The following STARD10 variants were observed in gnomAD, a reference collection of about 807,000 sequenced individuals.
STARD10 encodes the protein StAR related lipid transfer domain containing 10.
In STARD10, 24 loss-of-function variants were observed where a neutral mutation model predicts 36.0. The observed-to-expected ratio is 0.67, with a 90% CI of 0.48 to 0.94. The LOEUF (loss-of-function observed/expected upper bound fraction) is 0.94. Among genes scored for constraint, STARD10 ranks in the 40% least tolerant of loss-of-function variants. The pLI is 0.00. For synonymous variants in STARD10, 156 were observed against 161.9 expected, an observed-to-expected ratio of 0.96 and a Z score of 0.28; for missense variants, 335 against 396.6, an observed-to-expected ratio of 0.84 and a Z score of 1.32.
intron 3 of STARD10, among the ~76,000 whole-genome samples, chr11:72,759,008 G>T (rs528704370): frequency 4.7e-4 from 72 of 152,366 alleles, no homozygotes; most frequent in African/African-American, 1.6e-3. Context: ...GCCTATGTGT[G>T]TATGTATATA....
chr11:72,770,228 A>C (rs543505715), intron 2 of STARD10, among the ~76,000 whole-genome samples: 1 of 151,666 alleles, frequency 6.6e-6, no homozygotes, highest in Non-Finnish European at 1.5e-5. Context: ...TAAAAGAATT[A>C]TTTTTTTTGA....
At chr11:72,790,268 C>G (rs1451768554) in intron 1 of STARD10, 1 of 152,342 alleles carries the variant, frequency 6.6e-6, no homozygotes, top group Non-Finnish European at 1.5e-5. Context: ...TGCCCCCTCC[C>G]ATGTGGCTGT....
intron 3 of STARD10, 135 bp downstream of exon 3, chr11:72,759,099 C>T (rs1858684228): frequency 1.9e-6 from 2 of 1,067,376 alleles, no homozygotes; most frequent in Non-Finnish European, 2.7e-6. Context: ...GAGGGCAGCT[C>T]TATCTCTCAG....
intron 1 of STARD10, among the ~76,000 whole-genome samples, chr11:72,787,920 C>G (rs774874868): frequency 6.6e-6 from 1 of 152,226 alleles, no homozygotes; most frequent in Non-Finnish European, 1.5e-5. Flanking sequence ...AGTGTCCTGA[C>G]TCAGTACAGT....
intron 2 of STARD10, among the ~76,000 whole-genome samples, chr11:72,774,662 G>C (rs1858907603): frequency 6.6e-6 from 1 of 152,216 alleles, no homozygotes; most frequent in South Asian, 2.1e-4. Flanking sequence ...AAAGGTGAGG[G>C]ATCGGGGCTG....
rs567275770 is a variant in STARD10 at position 72,770,823 on chromosome 11, G to A, written c.207+10152C>T. ...TGAAAGGGAGGGGGAAGGGGCTCCC[G>A]GCAGAGGTGATGGCCTGAGAACTAG... On this transcript the variant is annotated intron_variant, in intron 2 of 6. Transcript: ENST00000334805. 1.4e-3 allele frequency among the ~76,000 whole-genome samples: 215 copies of A among 152,296 alleles called. 1 individual carries two copies. The highest frequency in any genetic ancestry group is 5.0e-3 in the South Asian group (24 of 4,818).
chr11:72,771,162 A>G (rs879380661), intron 2 of STARD10, among the ~76,000 whole-genome samples: 11 of 152,210 alleles, frequency 7.2e-5, no homozygotes, highest in Non-Finnish European at 1.0e-4. Context: ...TCCAAAGTCC[A>G]TCCCTGAGAC....
intron 1 of STARD10, among the ~76,000 whole-genome samples, chr11:72,784,205 G>A (rs1859043445): frequency 1.3e-5 from 2 of 152,182 alleles, no homozygotes; most frequent in African/African-American, 4.8e-5. Flanking sequence ...AGCCGAGAAG[G>A]GCCCCATCTG....
intron 2 of STARD10, among the ~76,000 whole-genome samples, chr11:72,764,185 C>T (rs1329784775): frequency 6.6e-6 from 1 of 152,196 alleles, no homozygotes; most frequent in Non-Finnish European, 1.5e-5. Flanking sequence ...CTTCCCTAGC[C>T]AGGCTCAGTG....
At position 72,793,665 on chromosome 11, in the gene STARD10, C is replaced by T. The variant is rs1311410340; in HGVS notation, c.-904G>A. The T allele has an allele frequency of 6.6e-6, 1 of 152,264 alleles. No individual in the cohort carries two copies. The highest frequency in any genetic ancestry group is 2.4e-5 in the African/African-American group (1 of 41,470). 9.4% of individuals were successfully genotyped at this position (152,264 alleles called of 1,614,324 possible). ...TTACTATTTATTACGGTTATCTTCGCTCAGGCGCCCCCACGTGTCGATCCC... is the reference window on the plus strand; with the variant it reads ...TTACTATTTATTACGGTTATCTTCGTTCAGGCGCCCCCACGTGTCGATCCC... On this transcript the variant is annotated 5_prime_UTR_variant, in exon 1 of 7. Coordinates refer to ENST00000334805, the MANE Select transcript of STARD10 (RefSeq NM_006645.3).
chr11:72,786,186 T>C (rs538355542), intron 1 of STARD10, among the ~76,000 whole-genome samples: 41 of 152,198 alleles, frequency 2.7e-4, no homozygotes, highest in Middle Eastern at 3.4e-3. Context: ...ACCCCGTCTC[T>C]ACTAAAAATT....
At position 72,784,603 on chromosome 11, in the gene STARD10, A is replaced by G. The variant is rs1480103484; in HGVS notation, c.-113-3309T>C. ...GATGGTTTGGCAAGTTTTGATTCTC[A>G]TGGAAGATCAAACAATGGAAACAGC... On this transcript the variant is annotated intron_variant, in intron 1 of 6. Coordinates refer to ENST00000334805, the MANE Select transcript of STARD10 (RefSeq NM_006645.3). Among the ~76,000 whole-genome samples, 9 of 152,336 alleles carry G rather than the reference A, an allele frequency of 5.9e-5. No homozygotes were observed. In the East Asian group the frequency reaches 1.7e-3, roughly 29 times the overall value.
chr11:72,772,986 C>T (rs1018921601), intron 2 of STARD10, among the ~76,000 whole-genome samples: 2 of 152,196 alleles, frequency 1.3e-5, no homozygotes, highest in African/African-American at 4.8e-5. Context: ...CTCCATGTGT[C>T]TCCCCATGAG....
At chr11:72,791,943 C>T (rs550266514) in intron 1 of STARD10, among the ~76,000 whole-genome samples, 3 of 151,964 alleles carry the variant, frequency 2.0e-5, no homozygotes, top group Non-Finnish European at 4.4e-5. Context: ...GGCACCATCT[C>T]GGCCCACGAC....
chr11:72,766,721 C>G (rs1858796853), intron 2 of STARD10, among the ~76,000 whole-genome samples: 1 of 152,136 alleles, frequency 6.6e-6, no homozygotes, highest in African/African-American at 2.4e-5. Context: ...CTCCCAAGAC[C>G]CAGGGAGATG....
chr11:72,757,096 G>T (rs1858654858), intron 5 of STARD10, among the ~76,000 whole-genome samples: 1 of 145,372 alleles, frequency 6.9e-6, no homozygotes, highest in Non-Finnish European at 1.5e-5. Flanking sequence ...AGTGAGCCGA[G>T]ATTGCACCAT....
At chr11:72,791,317 TA>T (rs905669212) in intron 1 of STARD10, among the ~76,000 whole-genome samples, 1 of 152,102 alleles carries the variant, frequency 6.6e-6, no homozygotes, top group Non-Finnish European at 1.5e-5. Context: ...AGACACTAAA[TA>T]AATGTTTGAT....
chr11:72,773,761 C>T (rs756625751), intron 2 of STARD10, among the ~76,000 whole-genome samples: 4 of 152,204 alleles, frequency 2.6e-5, no homozygotes, highest in South Asian at 2.1e-4. Context: ...ATCCCTATCA[C>T]GTTATCTCGT....
chr11:72,771,646 C>T (rs1235843079), intron 2 of STARD10, among the ~76,000 whole-genome samples: 3 of 152,098 alleles, frequency 2.0e-5, no homozygotes, highest in African/African-American at 7.2e-5. Context: ...CCCTGCTCTG[C>T]CTCTTTCCCC....
Sources: gnomAD v4.1 joint callset for allele counts (sites outside exome capture counted in the v4.1 genomes callset) on GRCh38, gnomAD v4.1.1 for gene constraint, MANE v1.5 for transcripts, NCBI Gene and HGNC (gene_info 2026-07-23, HGNC 2026-07-21) for gene names.